XRCC5: variants seen among roughly 807,000 people sequenced by gnomAD.
XRCC5 encodes the protein X-ray repair cross complementing 5, also known as DNA repair protein Ku80.
XRCC5 carries 12 observed loss-of-function variants against 95.7 expected under a neutral mutation model. The ratio of observed to expected loss-of-function variants is 0.13; its 90% CI spans 0.08 to 0.20. The LOEUF (loss-of-function observed/expected upper bound fraction) is 0.20. XRCC5 is among the 10% of genes least tolerant of loss of function. The pLI is 1.00. For missense variants in XRCC5, 595 were observed against 873.9 expected, an observed-to-expected ratio of 0.68 and a Z score of 4.02; for synonymous variants, 281 against 290.3, an observed-to-expected ratio of 0.97 and a Z score of 0.33.
intron 16 of XRCC5, among the ~76,000 whole-genome samples, chr2:216,167,454 T>C (rs1689070888): frequency 6.6e-6 from 1 of 152,192 alleles, no homozygotes; most frequent in Non-Finnish European, 1.5e-5. Context: ...CTATCCCATT[T>C]GCATAGCTGT....
intron 14 of XRCC5, among the ~76,000 whole-genome samples, chr2:216,155,812 C>G (rs1011900247): frequency 6.6e-6 from 1 of 151,996 alleles, no homozygotes; most frequent in Non-Finnish European, 1.5e-5. Flanking sequence ...TCTGATATAT[C>G]GGTGGGTACA....
chr2:216,205,052 A>C (rs1689917121), intron 20 of XRCC5, 136 bp from the exon 21 acceptor site: 2 of 1,000,758 alleles, frequency 2.0e-6, no homozygotes, highest in African/African-American at 1.6e-5. Flanking sequence ...TCCTAAAATA[A>C]TGAGCGGTGA....
intron 16 of XRCC5, among the ~76,000 whole-genome samples, 175 bp from the exon 17 acceptor site, chr2:216,190,048 CAG>C (rs1354340950): frequency 1.3e-5 from 2 of 152,124 alleles, no homozygotes; most frequent in African/African-American, 4.8e-5. Context: ...TTTGCAAATA[CAG>C]AGTTTTGAAA....
At chr2:216,146,141 A>G (rs1016698196) in intron 13 of XRCC5, among the ~76,000 whole-genome samples, 5 of 152,234 alleles carry the variant, frequency 3.3e-5, no homozygotes, top group Non-Finnish European at 7.3e-5. Flanking sequence ...TAATTAGGAA[A>G]GAAGAAAGCA....
chr2:216,133,636 A>G lies in XRCC5; in HGVS notation c.1113+1249A>G, dbSNP rs41296372. On this transcript the variant is annotated intron_variant, in intron 10 of 20. Coordinates refer to ENST00000392132, the MANE Select transcript of XRCC5 (RefSeq NM_021141.4). ...TTGCTAGCTAAGGGCAGCCTTGTGG[A>G]TTGTGTAATTCAAATCTGGCCTTAT... 4.0e-3 allele frequency among the ~76,000 whole-genome samples: 616 copies of G among 152,334 alleles called. 11 individuals are homozygous for G. The East Asian group carries it at 0.047, about 12-fold the overall frequency.
In XRCC5 at chr2:216,137,143, T is replaced by A; in HGVS notation, c.1169T>A (p.Val390Glu). 1 of 1,614,102 alleles carries A rather than the reference T, an allele frequency of 6.2e-7. No homozygotes were observed. Among genetic ancestry groups the A allele is most frequent in the South Asian group, 1.1e-5 (1 of 91,060 alleles). ...CATGCTTTGGATGACTTAGACATGG[T>A]GGCCATAGTTCGATATGCTTATGAC... The part of the protein sequence containing the change: ...LIHALDDLDM[V>E]AIVRYAYDKR... The change falls in exon 11 of 21, where the codon GTG becomes GAG. Residue 390 changes from valine to glutamate, a missense_variant. By Grantham distance (121) the Val-to-Glu change is moderately radical. Around this residue, in one of 2 missense-constraint regions of XRCC5, gnomAD observed 286 missense variants for 491.1 expected, o/e 0.58. Coordinates refer to ENST00000392132, the MANE Select transcript of XRCC5 (RefSeq NM_021141.4).
At chr2:216,182,772 G>A (rs1689413681) in intron 16 of XRCC5, among the ~76,000 whole-genome samples, 2 of 152,186 alleles carry the variant, frequency 1.3e-5, no homozygotes, top group Non-Finnish European at 1.5e-5. Context: ...ACACTAGGCA[G>A]TGCATGTTCT....
chr2:216,204,453 A>G (rs886967339), intron 20 of XRCC5, 57 bp downstream of exon 20: 31 of 1,576,988 alleles, frequency 2.0e-5, no homozygotes, highest in Middle Eastern at 1.7e-4. Flanking sequence ...TGAGCTGTAA[A>G]TACAGCCACA....
At chr2:216,158,645 C>A (rs1257706850) in intron 14 of XRCC5, among the ~76,000 whole-genome samples, 1 of 152,102 alleles carries the variant, frequency 6.6e-6, no homozygotes, top group Non-Finnish European at 1.5e-5. Context: ...GTGACTTACC[C>A]CTTGTAATGT....
intron 18 of XRCC5, among the ~76,000 whole-genome samples, chr2:216,193,494 C>T (rs1689657480): frequency 6.6e-6 from 1 of 152,178 alleles, no homozygotes; most frequent in African/African-American, 2.4e-5. Context: ...GAATTGCATA[C>T]CTATCTATCC....
At chr2:216,177,113 A>G (rs553173024) in intron 16 of XRCC5, among the ~76,000 whole-genome samples, 7 of 152,338 alleles carry the variant, frequency 4.6e-5, no homozygotes, top group African/African-American at 1.7e-4. Context: ...GTGGTCTCAC[A>G]TATAGTCTGT....
chr2:216,171,959 C>T (rs1689173489), intron 16 of XRCC5, among the ~76,000 whole-genome samples: 1 of 152,120 alleles, frequency 6.6e-6, no homozygotes, highest in South Asian at 2.1e-4. Flanking sequence ...GAAATTATCA[C>T]CACAGTTCAA....
intron 16 of XRCC5, among the ~76,000 whole-genome samples, chr2:216,183,921 T>C (rs778812292): frequency 2.0e-5 from 3 of 152,130 alleles, no homozygotes; most frequent in Non-Finnish European, 4.4e-5. Flanking sequence ...AATATTTCAT[T>C]AAAGACCATG....
At chr2:216,197,702 T>C (rs1422996420) in intron 19 of XRCC5, among the ~76,000 whole-genome samples, 1 of 152,186 alleles carries the variant, frequency 6.6e-6, no homozygotes, top group Admixed American at 6.5e-5. Flanking sequence ...ATAAAATGTA[T>C]TGAGTACCAC....
chr2:216,184,032 CTGTGTGTG>C (rs3221952), intron 16 of XRCC5, among the ~76,000 whole-genome samples: 2,417 of 145,708 alleles, frequency 0.017, 40 homozygotes, highest in African/African-American at 0.034. Context: ...TAAGTCAGCA[CTGTGTGTG>C]TGTGTGTGTG....
chr2:216,132,178 T>C (rs1697006345), intron 9 of XRCC5, 147 bp from the exon 10 acceptor site: 2 of 683,978 alleles, frequency 2.9e-6, no homozygotes, highest in African/African-American at 1.8e-5. Flanking sequence ...TTGTGTTGTA[T>C]TGAATTAAAC....
intron 16 of XRCC5, among the ~76,000 whole-genome samples, chr2:216,185,301 C>G (rs1422317141): frequency 6.6e-6 from 1 of 152,180 alleles, no homozygotes; most frequent in Non-Finnish European, 1.5e-5. Context: ...TGGTCCCTGA[C>G]TGATACACAC....
intron 10 of XRCC5, among the ~76,000 whole-genome samples, chr2:216,133,870 CT>C (rs1286816110): frequency 1.3e-5 from 2 of 152,088 alleles, no homozygotes; most frequent in Non-Finnish European, 2.9e-5. Flanking sequence ...AAAAGAATGC[CT>C]GGAGAAGACT....
chr2:216,184,032 C>CTG (rs3221952), intron 16 of XRCC5, among the ~76,000 whole-genome samples: 14,799 of 145,516 alleles, frequency 0.1, 920 homozygotes, highest in South Asian at 0.18. Context: ...TAAGTCAGCA[C>CTG]TGTGTGTGTG....
Sources: allele counts gnomAD v4.1 joint callset (sites outside exome capture counted in the v4.1 genomes callset), GRCh38; gene constraint gnomAD v4.1.1; regional missense constraint gnomAD v4.1.1; transcripts MANE v1.5; gene names NCBI Gene and HGNC (gene_info 2026-07-23, HGNC 2026-07-21).